SCN10A: variants seen among roughly 807,000 people sequenced by gnomAD.
SCN10A encodes sodium voltage-gated channel alpha subunit 10.
In SCN10A, 162 loss-of-function variants were observed where a neutral mutation model predicts 170.7. The ratio of observed to expected loss-of-function variants is 0.95; its 90% CI spans 0.84 to 1.08. The LOEUF is 1.08. Ranked by LOEUF, SCN10A falls within the 50% of genes least tolerant of loss-of-function variation. The probability of loss-of-function intolerance (pLI) is 0.00; values close to 1 mark genes in which losing one functional copy is unlikely to be tolerated. For synonymous variants in SCN10A, 985 were observed against 904.6 expected (o/e 1.09, Z -1.59); for missense variants, 2,527 against 2,436.9 (o/e 1.04, Z -0.78).
intron 18 of SCN10A, among the ~76,000 whole-genome samples, 175 bp downstream of exon 18, chr3:38,724,999 G>GA (rs2063436903): frequency 2.0e-5 from 3 of 152,136 alleles, no homozygotes; most frequent in African/African-American, 7.2e-5. Flanking sequence ...TTGAAATTGT[G>GA]CGGATTAGCC....
At chr3:38,809,227 T>C (rs1436565932) in intron 1 of SCN10A, among the ~76,000 whole-genome samples, 1 of 152,200 alleles carries the variant, frequency 6.6e-6, no homozygotes, top group Admixed American at 6.5e-5. Context: ...ATGTGATTGG[T>C]CTGTTTAGTT....
rs2063581545 is a variant in SCN10A, at chr3:38,737,771, TCTCTCTCTCC to T, written c.2280+1734_2280+1743del. 4.5e-5 allele frequency among the ~76,000 whole-genome samples: 4 copies of T among 88,554 alleles called. No homozygotes were observed. The South Asian group carries it at 2.0e-3, about 45-fold the overall frequency. 58.1% of individuals were successfully genotyped at this position (88,554 alleles called of 152,430 possible). On this transcript the variant is annotated intron_variant, in intron 15 of 27. Transcript: ENST00000449082. ...CTCTCTCTCTCCCTCCCTCCCTCCC[TCTCTCTCTCC>T]CTCCCTCCCTCCCTTCCTCTTTCTT...
chr3:38,728,199 C>T (rs1437287165), intron 16 of SCN10A, among the ~76,000 whole-genome samples: 1 of 152,210 alleles, frequency 6.6e-6, no homozygotes, highest in Non-Finnish European at 1.5e-5. Flanking sequence ...ATTTAATTCT[C>T]CCAGTAAACC....
Position 38,761,383 on chromosome 3 carries a change from C to T in SCN10A, c.692G>A (p.Gly231Asp), listed in dbSNP as rs764095900. The T allele has an allele frequency of 5.2e-5, 84 of 1,611,722 alleles. No homozygotes were observed. In the South Asian group the frequency reaches 7.9e-4, roughly 15 times the overall value. ...CAGGGCCCCCACAATGACCTTCAGG[C>T]CTGCGGGAAGATGACAGTGGTATGA... ...RALKTVSVIP[G>D]LKVIVGALIH... The change falls in exon 7 of 28, where the codon GGC becomes GAC. Residue 231 changes from glycine (G) to aspartate (D), a missense_variant and splice_region_variant. Coordinates refer to ENST00000449082, the MANE Select transcript of SCN10A (RefSeq NM_006514.4).
Position 38,725,556 on chromosome 3 carries a change from C to T in SCN10A, c.3088-242G>A, listed in dbSNP as rs529018314. 2.0e-5 allele frequency among the ~76,000 whole-genome samples: 3 copies of T among 152,366 alleles called. No homozygotes were observed. The East Asian group carries it at 5.8e-4, about 29-fold the overall frequency. On this transcript the variant is annotated intron_variant, in intron 17 of 27. Coordinates refer to ENST00000449082, the MANE Select transcript of SCN10A (RefSeq NM_006514.4). ...GTGTGACCTTAGGCAAGTTGTTTAA[C>T]CTCTCTAATCTTCATTTTTCCCAGC... is the stretch of plus-strand genomic sequence containing the variant.
rs1220780615 is a variant in SCN10A at position 38,757,142 on chromosome 3, TA to T, written c.967del (p.Tyr323IlefsTer31). 6.2e-7 allele frequency: 1 copy of T among 1,608,886 alleles called. No homozygotes were observed. The highest frequency in any genetic ancestry group is 1.7e-5 in the Admixed American group (1 of 59,538). On this transcript the variant is annotated frameshift_variant, in exon 9 of 28. Coordinates refer to ENST00000449082, the MANE Select transcript of SCN10A (RefSeq NM_006514.4). LOFTEE classifies it high-confidence loss of function. ...GSDSGHCPDG[Y>X]ICLKTSDNPD... ...GTTGTCAGAAGTTTTAAGGCAGATATAACCATCAGGGCAGTGGCTGCAGCAA... is the reference window on the plus strand; with the variant it reads ...GTTGTCAGAAGTTTTAAGGCAGATATACCATCAGGGCAGTGGCTGCAGCAA...
rs780390487 is a variant in SCN10A, at chr3:38,726,875, G to T, written c.2818C>A (p.Gln940Lys). 1.1e-5 allele frequency: 17 copies of T among 1,614,024 alleles called. No individual in the cohort carries two copies. In the South Asian group the frequency reaches 1.9e-4, roughly 18 times the overall value. ...ACCAGCTCAGGCTCTGCCTTGGGCT[G>T]GGGGAATGGGCAGGACCTGCTGAAG... is the stretch of plus-strand genomic sequence containing the variant. Reference protein sequence around the residue: ...SFFSRSCPFPQPKAEPELVVK... With the variant: ...SFFSRSCPFPKPKAEPELVVK... Residue 940 changes from glutamine (Q) to lysine (K), a missense_variant, in exon 17 of 28, where the codon CAG becomes AAG. Gln to Lys is a moderately conservative substitution (Grantham distance 53). Transcript: ENST00000449082.
At position 38,793,723 on chromosome 3, in the gene SCN10A, C is replaced by T. The variant is rs374093540; in HGVS notation, c.270+18G>A. The T allele has an allele frequency of 1.2e-6, 2 of 1,604,056 alleles. No individual in the cohort carries two copies. Among genetic ancestry groups the T allele is most frequent in the South Asian group, 1.1e-5 (1 of 90,618 alleles). Reference sequence around the variant, plus strand: ...TCTCCAAGAGCTGAGAGCAGACATTCCTACTAGTAGCTCTTACCCGGTGTG... The same window carrying T: ...TCTCCAAGAGCTGAGAGCAGACATTTCTACTAGTAGCTCTTACCCGGTGTG... On this transcript the variant is annotated intron_variant, in intron 2 of 27. Transcript: ENST00000449082.
At position 38,697,721 on chromosome 3, in the gene SCN10A, A is replaced by G. The variant is rs1036177260; in HGVS notation, c.5499T>C (p.Asn1833=). Residue 1833 remains asparagine, a synonymous_variant, in exon 28 of 28, where the codon AAT becomes AAC. Transcript: ENST00000449082. ...TTGGTTCATAGGATGATTTTGAAAG[A>G]TTAGTTGCCATAAACTTCTCCTCCA... ...ANMEEKFMAT[N]LSKSSYEPIA... is the part of the protein sequence containing the mutation. The G allele has an allele frequency of 6.2e-7, 1 of 1,614,108 alleles. No individual in the cohort carries two copies. Among genetic ancestry groups the G allele is most frequent in the Non-Finnish European group, 8.5e-7 (1 of 1,180,024 alleles).
intron 4 of SCN10A, among the ~76,000 whole-genome samples, chr3:38,781,713 T>A (rs2064141287): frequency 6.6e-6 from 1 of 152,178 alleles, no homozygotes; most frequent in African/African-American, 2.4e-5. Flanking sequence ...ATGTGTTGAT[T>A]GTAATGGTTC....
At chr3:38,785,666 A>C (rs2064190903) in intron 4 of SCN10A, among the ~76,000 whole-genome samples, 1 of 152,220 alleles carries the variant, frequency 6.6e-6, no homozygotes, top group South Asian at 2.1e-4. Flanking sequence ...TCTGCACAGC[A>C]AAAGAAACTA....
At chr3:38,707,450 G>A in intron 25 of SCN10A, 67 bp from the exon 26 acceptor site, 1 of 1,520,592 alleles carries the variant, frequency 6.6e-7, no homozygotes, top group Non-Finnish European at 9.1e-7. Flanking sequence ...ATCAGAACAG[G>A]CAGGAGAGAA....
intron 4 of SCN10A, among the ~76,000 whole-genome samples, chr3:38,782,012 C>T (rs115079583): frequency 6.6e-6 from 1 of 152,060 alleles, no homozygotes; most frequent in Non-Finnish European, 1.5e-5. Flanking sequence ...CCTTAGTGTA[C>T]TATTTCTTTA....
In SCN10A at chr3:38,742,335, C is replaced by G. The variant is rs779931477; in HGVS notation, c.2062G>C (p.Gly688Arg). ...NTIFMAMEHH[G>R]MSPTFEAMLQ... Reference sequence around the variant, plus strand: ...ATGGCTTCGAAGGTAGGGCTCATGCCATGGTGCTCCATGGCCATGAAGATG... The same window carrying G: ...ATGGCTTCGAAGGTAGGGCTCATGCGATGGTGCTCCATGGCCATGAAGATG... Residue 688 changes from glycine to arginine, a missense_variant, in exon 14 of 28, where the codon GGC becomes CGC. Coordinates refer to ENST00000449082, the MANE Select transcript of SCN10A (RefSeq NM_006514.4). 1.9e-6 allele frequency: 3 copies of G among 1,614,124 alleles called. No individual in the cohort carries two copies. The highest frequency in any genetic ancestry group is 2.5e-6 in the Non-Finnish European group (3 of 1,180,016).
At chr3:38,805,604 CG>C (rs1283767543) in intron 1 of SCN10A, among the ~76,000 whole-genome samples, 1 of 151,988 alleles carries the variant, frequency 6.6e-6, no homozygotes, top group African/African-American at 2.4e-5. Context: ...AACAGGACAC[CG>C]GACATATGAG....
At chr3:38,713,806 T>A in intron 22 of SCN10A, 152 bp downstream of exon 22, 1 of 835,504 alleles carries the variant, frequency 1.2e-6, no homozygotes, top group Admixed American at 2.7e-5. Context: ...TTTTGTACTT[T>A]TAGCAGAGAC....
At chr3:38,746,063 G>GTGTATATATATATGTGTGTGTT (rs1293476818) in intron 13 of SCN10A, among the ~76,000 whole-genome samples, 1 of 61,626 alleles carries the variant, frequency 1.6e-5, no homozygotes, top group East Asian at 5.2e-4. Context: ...GTGTGTATGT[G>GTGTATATATATATGTGTGTGTT]TATATATATA....
At chr3:38,718,573 T>G in intron 21 of SCN10A, 80 bp downstream of exon 21, 16 of 1,475,782 alleles carry the variant, frequency 1.1e-5, no homozygotes, top group East Asian at 2.3e-5. Flanking sequence ...GCCAGGTCTC[T>G]GAGCTTCCTT....
Position 38,763,552 on chromosome 3 carries a change from C to T in SCN10A, c.644G>A (p.Arg215Gln), listed in dbSNP as rs1417349620. ...AIDLRGISGL[R>Q]TFRVLRALKT... ...TAATGCTCTAAGAACTCTGAATGTCCGCAGGCCTGAGATCCCACGGAGATC... is the reference window on the plus strand; with the variant it reads ...TAATGCTCTAAGAACTCTGAATGTCTGCAGGCCTGAGATCCCACGGAGATC... The change falls in exon 6 of 28, where the codon CGG (arginine) becomes CAG (glutamine). Residue 215 changes from arginine to glutamine, a missense_variant. Transcript: ENST00000449082. 15 of 1,614,064 alleles carry T rather than the reference C, an allele frequency of 9.3e-6. No homozygotes were observed. Among genetic ancestry groups the T allele is most frequent in the South Asian group, 2.2e-5 (2 of 91,078 alleles).
Sources: gnomAD v4.1 joint callset for allele counts (sites outside exome capture counted in the v4.1 genomes callset) on GRCh38, gnomAD v4.1.1 for gene constraint, MANE v1.5 for transcripts, NCBI Gene and HGNC (gene_info 2026-07-23, HGNC 2026-07-21) for gene names.